Variants in RARB observed in about 807,000 individuals in gnomAD.
RARB encodes retinoic acid receptor beta, also known as HBV-activated protein.
Under a neutral mutation model 51.9 loss-of-function variants are expected in RARB, and 17 were observed. That is an observed-to-expected ratio of 0.33 (90% CI 0.22 to 0.49). The LOEUF is 0.49. Ranked by LOEUF, RARB falls within the 20% of genes least tolerant of loss-of-function variation. RARB has a pLI of 0.99. For missense variants in RARB, 369 were observed against 550.8 expected (o/e 0.67, Z 3.30); for synonymous variants, 215 against 195.4 (o/e 1.10, Z -0.84).
chr3:25,219,259 C>G (rs1701895232), intron 5 of RARB, among the ~76,000 whole-genome samples: 1 of 103,794 alleles, frequency 9.6e-6, no homozygotes, highest in Non-Finnish European at 2.2e-5. Context: ...GGAATTACCT[C>G]TAGGTTAAAA....
At chr3:25,427,603 C>T (rs989708117), upstream of RARB, among the ~76,000 whole-genome samples, 17 of 152,130 alleles carry the variant, frequency 1.1e-4, no homozygotes, top group African/African-American at 4.1e-4. Flanking sequence ...TGCATAGAAC[C>T]TGGAGAGGAT....
intron 5 of RARB, among the ~76,000 whole-genome samples, chr3:25,308,102 G>T (rs1373546673): frequency 6.6e-6 from 1 of 152,216 alleles, no homozygotes; most frequent in South Asian, 2.1e-4. Context: ...CCAGCAGTGA[G>T]TGCAAGAGTA....
At chr3:24,853,249 G>A (rs1005647720) in intron 1 of RARB, among the ~76,000 whole-genome samples, 12 of 152,066 alleles carry the variant, frequency 7.9e-5, no homozygotes, top group African/African-American at 2.7e-4. Flanking sequence ...CCCGGGAGGC[G>A]GAGCTTGCAG....
chr3:25,017,550 T>C (rs1697540380), intron 2 of RARB, among the ~76,000 whole-genome samples: 1 of 152,174 alleles, frequency 6.6e-6, no homozygotes, highest in Admixed American at 6.6e-5. Flanking sequence ...AATAACTATC[T>C]TAACTTCAGC....
At chr3:25,040,317 T>C (rs1404485660) in intron 2 of RARB, among the ~76,000 whole-genome samples, 1 of 152,202 alleles carries the variant, frequency 6.6e-6, no homozygotes, top group African/African-American at 2.4e-5. Flanking sequence ...GCATCTGATT[T>C]GGGTTAAGGG....
At chr3:25,436,540 C>T (rs1057321069) in intron 1 of RARB, among the ~76,000 whole-genome samples, 3 of 151,962 alleles carry the variant, frequency 2.0e-5, no homozygotes, top group African/African-American at 7.3e-5. Flanking sequence ...TCACTGGGGC[C>T]CTCCTTATCA....
rs531740868 is a variant in RARB at position 25,196,737 on chromosome 3, T to C, written c.178+22162T>C. Among the ~76,000 whole-genome samples the C allele has an allele frequency of 5.3e-5, 8 of 152,232 alleles. No homozygotes were observed. The South Asian group carries it at 1.0e-3, about 20-fold the overall frequency. ...CACATCCTCTCCAGCACCTGTTGTT[T>C]CCTGACTTTTTAATGATCACCATTC... On this transcript the variant is annotated intron_variant, in intron 5 of 11. Coordinates refer to the RARB transcript ENST00000383772.
intron 3 of RARB, among the ~76,000 whole-genome samples, chr3:25,082,665 C>T (rs1412249817): frequency 1.3e-5 from 2 of 152,080 alleles, no homozygotes; most frequent in African/African-American, 2.4e-5. Flanking sequence ...GATCACTTCT[C>T]TTTTAATAAA....
At chr3:25,026,322 A>C (rs1342260129) in intron 2 of RARB, among the ~76,000 whole-genome samples, 3 of 152,208 alleles carry the variant, frequency 2.0e-5, no homozygotes, top group African/African-American at 7.2e-5. Flanking sequence ...ATTTTCTCAC[A>C]ATTTTTCTTA....
chr3:25,359,412 T>A (rs111563930), intron 5 of RARB, among the ~76,000 whole-genome samples: 57,392 of 151,018 alleles, frequency 0.38, 11,246 homozygotes, highest in South Asian at 0.47. Context: ...GTTAATTTTT[T>A]AAAAAAATAC....
intron 2 of RARB, among the ~76,000 whole-genome samples, chr3:24,968,315 G>A (rs1046012366): frequency 6.6e-6 from 1 of 152,022 alleles, no homozygotes; most frequent in African/African-American, 2.4e-5. Context: ...GTAATGACTG[G>A]GTACAAGATC....
intron 2 of RARB, among the ~76,000 whole-genome samples, chr3:24,988,263 G>T (rs532641858): frequency 3.9e-5 from 6 of 152,266 alleles, no homozygotes; most frequent in Admixed American, 2.6e-4. Flanking sequence ...TAAAGTAAAA[G>T]CCATGCTTTG....
At position 24,967,546 on chromosome 3, in the gene RARB, G is replaced by T. The variant is rs529321430; in HGVS notation, c.-379-92579G>T. On this transcript the variant is annotated intron_variant, in intron 2 of 11. Transcript: ENST00000383772. ...CATGCATGCATCTTTCAGCAGATTT[G>T]CCAGGATAGAGAATGAACTGGTTGA... 1.5e-4 allele frequency among the ~76,000 whole-genome samples: 23 copies of T among 152,198 alleles called. No homozygotes were observed. The South Asian group carries it at 2.5e-3, about 16-fold the overall frequency.
intron 2 of RARB, among the ~76,000 whole-genome samples, chr3:24,932,851 A>C (rs1486208701): frequency 3.3e-5 from 5 of 152,060 alleles, no homozygotes; most frequent in Non-Finnish European, 7.4e-5. Context: ...GGAGGTGCTA[A>C]TCTCTGTTCT....
intron 3 of RARB, among the ~76,000 whole-genome samples, chr3:25,511,366 C>T (rs1021599538): frequency 2.6e-5 from 4 of 152,068 alleles, no homozygotes; most frequent in African/African-American, 9.7e-5. Context: ...CTCCTGACCT[C>T]GTGATCTGCC....
intron 5 of RARB, among the ~76,000 whole-genome samples, chr3:25,414,899 T>C (rs1430254919): frequency 6.6e-6 from 1 of 152,202 alleles, no homozygotes; most frequent in Admixed American, 6.5e-5. Flanking sequence ...TGGAGTGTAA[T>C]GGTGTTATCT....
At position 25,365,164 on chromosome 3, in the gene RARB, A is replaced by G. The variant is rs1332469563; in HGVS notation, c.179-96029A>G. 5.3e-5 allele frequency among the ~76,000 whole-genome samples: 8 copies of G among 151,416 alleles called. No homozygotes were observed. In the South Asian group the frequency reaches 1.5e-3, roughly 28 times the overall value. On this transcript the variant is annotated intron_variant, in intron 5 of 11. Transcript: ENST00000383772. The stretch of plus-strand genomic sequence containing the variant: ...ATCCAGAATGTCCTGTGTACCATGC[A>G]AAAGGTATATAAGCCAACCATGTTT...
intron 1 of RARB, among the ~76,000 whole-genome samples, chr3:24,857,279 T>G (rs1412569919): frequency 1.3e-5 from 2 of 152,108 alleles, no homozygotes; most frequent in Non-Finnish European, 2.9e-5. Flanking sequence ...GGTTCTGGAG[T>G]CTGTTCCAAA....
intron 2 of RARB, among the ~76,000 whole-genome samples, chr3:24,896,424 T>C (rs1371775909): frequency 6.6e-6 from 1 of 152,100 alleles, no homozygotes; most frequent in Non-Finnish European, 1.5e-5. Flanking sequence ...CACGTCCGGC[T>C]AATTTTTTGT....
Sources: gnomAD v4.1 joint callset for allele counts (sites outside exome capture counted in the v4.1 genomes callset) on GRCh38, gnomAD v4.1.1 for gene constraint, MANE v1.5 for transcripts, NCBI Gene and HGNC (gene_info 2026-07-23, HGNC 2026-07-21) for gene names.